Variants in HSD17B12 observed in about 807,000 individuals in gnomAD.
The protein encoded by HSD17B12 is hydroxysteroid 17-beta dehydrogenase 12, also known as very-long-chain 3-oxoacyl-CoA reductase.
In HSD17B12, 32 loss-of-function variants were observed where a neutral mutation model predicts 39.3. That is an observed-to-expected ratio of 0.81 (90% CI 0.61 to 1.09). The LOEUF (loss-of-function observed/expected upper bound fraction) is 1.09. Among genes scored for constraint, HSD17B12 ranks in the 50% least tolerant of loss-of-function variants. The pLI, the probability that HSD17B12 is intolerant of heterozygous loss-of-function variation, is 0.00. For synonymous variants in HSD17B12, 150 were observed against 146.7 expected (o/e 1.02, Z -0.16); for missense variants, 342 against 382.9 (o/e 0.89, Z 0.89).
chr11:43,558,579 C>A, the HSD17B12 span, among the ~76,000 whole-genome samples: 1 of 152,000 alleles, frequency 6.6e-6, no homozygotes, highest in Non-Finnish European at 1.5e-5. Context: ...GAGGGAATAC[C>A]CCCTCCTCCA....
At chr11:43,594,970 A>G in the HSD17B12 span, among the ~76,000 whole-genome samples, 1 of 152,120 alleles carries the variant, frequency 6.6e-6, no homozygotes, top group Non-Finnish European at 1.5e-5. Context: ...CCACTGTGGT[A>G]TTTCTACATT....
intron 6 of HSD17B12, among the ~76,000 whole-genome samples, chr11:43,817,053 T>G (rs1035734628): frequency 9.7e-4 from 140 of 144,524 alleles, no homozygotes; most frequent in African/African-American, 3.6e-3. Flanking sequence ...TATATATATA[T>G]ATATATCTCG....
chr11:43,604,310 C>T, the HSD17B12 span, among the ~76,000 whole-genome samples: 2 of 152,036 alleles, frequency 1.3e-5, no homozygotes, highest in African/African-American at 4.8e-5. Flanking sequence ...GTTTTCTGGG[C>T]AAATAATTTT....
At chr11:43,570,970 G>A in the HSD17B12 span, among the ~76,000 whole-genome samples, 2 of 152,138 alleles carry the variant, frequency 1.3e-5, no homozygotes, top group Non-Finnish European at 2.9e-5. Flanking sequence ...CTATCCAGCA[G>A]ATATGTTAGT....
chr11:43,727,812 A>G (rs1182741004), intron 1 of HSD17B12, among the ~76,000 whole-genome samples: 1 of 152,106 alleles, frequency 6.6e-6, no homozygotes, highest in Non-Finnish European at 1.5e-5. Flanking sequence ...CCACTTTGCC[A>G]GTGTGCTTCT....
At chr11:43,783,520 C>T (rs1950787181) in intron 3 of HSD17B12, among the ~76,000 whole-genome samples, 1 of 151,424 alleles carries the variant, frequency 6.6e-6, no homozygotes, top group Non-Finnish European at 1.5e-5. Context: ...CCCATCAACT[C>T]GTAATCTACA....
At chr11:43,790,935 A>G (rs1198093481) in intron 3 of HSD17B12, among the ~76,000 whole-genome samples, 1 of 152,102 alleles carries the variant, frequency 6.6e-6, no homozygotes, top group East Asian at 1.9e-4. Context: ...TGGAGGTTGC[A>G]GTGAGCCAAG....
At chr11:43,835,631 C>G (rs1423167102) in intron 7 of HSD17B12, among the ~76,000 whole-genome samples, 1 of 152,142 alleles carries the variant, frequency 6.6e-6, no homozygotes, top group African/African-American at 2.4e-5. Flanking sequence ...ATTTTAAATG[C>G]TACTCTTTTA....
intron 3 of HSD17B12, among the ~76,000 whole-genome samples, chr11:43,783,382 G>A (rs774875489): frequency 5.3e-5 from 8 of 149,768 alleles, no homozygotes; most frequent in Non-Finnish European, 1.2e-4. Flanking sequence ...AAATATTATT[G>A]AGGACTCCAA....
At chr11:43,588,682 G>T in the HSD17B12 span, among the ~76,000 whole-genome samples, 1 of 149,856 alleles carries the variant, frequency 6.7e-6, no homozygotes, top group South Asian at 2.1e-4. Flanking sequence ...GTCATACAAG[G>T]CTTAAATCAT....
chr11:43,779,588 G>A (rs755268073), intron 3 of HSD17B12, among the ~76,000 whole-genome samples: 5 of 152,164 alleles, frequency 3.3e-5, no homozygotes, highest in Non-Finnish European at 5.9e-5. Flanking sequence ...AAACAGGTGT[G>A]ACTGAATTCA....
chr11:43,668,711 A>G, the HSD17B12 span, among the ~76,000 whole-genome samples: 1,650 of 152,182 alleles, frequency 0.011, 9 homozygotes, highest in South Asian at 0.022. Context: ...ATATTATTAT[A>G]TATATTTTTG....
the HSD17B12 span, among the ~76,000 whole-genome samples, chr11:43,665,339 C>T: frequency 1.3e-5 from 2 of 152,292 alleles, no homozygotes; most frequent in East Asian, 1.9e-4. Context: ...GTGCCTCAGC[C>T]TCCTGAGTAG....
chr11:43,825,675 T>A (rs1053585709), intron 6 of HSD17B12, among the ~76,000 whole-genome samples: 6 of 152,262 alleles, frequency 3.9e-5, no homozygotes, highest in African/African-American at 1.4e-4. Flanking sequence ...TGAAATTAGT[T>A]ATCATTATGC....
intron 1 of HSD17B12, among the ~76,000 whole-genome samples, chr11:43,686,070 T>G (rs1255753155): frequency 2.0e-5 from 3 of 152,240 alleles, no homozygotes; most frequent in Admixed American, 6.5e-5. Context: ...GGATTTGACT[T>G]CGAATGCTAT....
chr11:43,750,132 A>C (rs1042052969), intron 1 of HSD17B12, among the ~76,000 whole-genome samples: 3 of 151,732 alleles, frequency 2.0e-5, no homozygotes, highest in Non-Finnish European at 3.0e-5. Flanking sequence ...ACTTAAGTGT[A>C]CAGCTCAGTG....
the HSD17B12 span, among the ~76,000 whole-genome samples, chr11:43,660,584 G>C: frequency 2.6e-5 from 4 of 152,192 alleles, no homozygotes; most frequent in Admixed American, 1.3e-4. Flanking sequence ...ACAGCAACTA[G>C]AGCAAACTGG....
At chr11:43,622,735 G>T in the HSD17B12 span, among the ~76,000 whole-genome samples, 1 of 151,858 alleles carries the variant, frequency 6.6e-6, no homozygotes, top group Non-Finnish European at 1.5e-5. Context: ...GATTTTACTG[G>T]TTTATGCACT....
the HSD17B12 span, among the ~76,000 whole-genome samples, chr11:43,616,896 C>T: frequency 4.5e-4 from 67 of 148,954 alleles, no homozygotes; most frequent in African/African-American, 1.6e-3. Flanking sequence ...TACTTGAACC[C>T]GGGAGGTGGA....
Sources: allele counts gnomAD v4.1 joint callset (sites outside exome capture counted in the v4.1 genomes callset), GRCh38; gene constraint gnomAD v4.1.1; transcripts MANE v1.5; gene names NCBI Gene and HGNC (gene_info 2026-07-23, HGNC 2026-07-21).